Variants in STK4 observed in about 807,000 individuals in gnomAD.
The protein encoded by STK4 is serine/threonine-protein kinase 4.
STK4 carries 30 observed loss-of-function variants against 64.9 expected under a neutral mutation model. That is an observed-to-expected ratio of 0.46 (90% confidence interval 0.35 to 0.63). The LOEUF is 0.63. Among genes scored for constraint, STK4 ranks in the 20% least tolerant of loss-of-function variants. The pLI is 0.01. For missense variants in STK4, 466 were observed against 598.5 expected (o/e 0.78, Z 2.31); for synonymous variants, 177 against 199.0 (o/e 0.89, Z 0.93).
intron 9 of STK4, among the ~76,000 whole-genome samples, chr20:45,016,943 G>C (rs1291606155): frequency 6.6e-6 from 1 of 152,152 alleles, no homozygotes; most frequent in Non-Finnish European, 1.5e-5. Flanking sequence ...TAAGCTTGCT[G>C]TTCTGACCTT....
chr20:45,072,236 A>C (rs577563522), intron 10 of STK4, among the ~76,000 whole-genome samples: 1 of 152,204 alleles, frequency 6.6e-6, no homozygotes, highest in Non-Finnish European at 1.5e-5. Context: ...GAGATCATCT[A>C]GTCAGCCCTG....
rs373956155 is a variant in STK4 at position 44,970,963 on chromosome 20, G to A, written c.36-1115G>A. ...TGTAATAATTGATATTATCCAGCTA[G>A]TCTAAACCTTTTTTTTTCTACAAAG... On this transcript the variant is annotated intron_variant, in intron 1 of 10. Transcript: ENST00000372806. Among the ~76,000 whole-genome samples the A allele has an allele frequency of 5.4e-5, 8 of 148,942 alleles. 1 individual carries two copies. The highest frequency in any genetic ancestry group is 2.0e-4 in the East Asian group (1 of 4,954).
At chr20:44,980,626 TGAAAA>T (rs1415981626) in intron 3 of STK4, among the ~76,000 whole-genome samples, 1 of 152,228 alleles carries the variant, frequency 6.6e-6, no homozygotes, top group Non-Finnish European at 1.5e-5. Context: ...AAAATTCAAA[TGAAAA>T]GAAAAGAAAA....
intron 10 of STK4, among the ~76,000 whole-genome samples, chr20:45,068,274 G>A (rs1979756063): frequency 6.6e-6 from 1 of 152,168 alleles, no homozygotes; most frequent in South Asian, 2.1e-4. Context: ...CTGCTTCTCT[G>A]ACAGGTGTAT....
intron 5 of STK4, among the ~76,000 whole-genome samples, chr20:44,988,559 A>G (rs1196873466): frequency 1.4e-4 from 16 of 116,498 alleles, no homozygotes; most frequent in Non-Finnish European, 2.6e-4. Flanking sequence ...ATATATATAT[A>G]TATATATATG....
chr20:45,046,734 T>G (rs1414621104), intron 10 of STK4, among the ~76,000 whole-genome samples: 2 of 151,914 alleles, frequency 1.3e-5, no homozygotes, highest in East Asian at 3.9e-4. Flanking sequence ...TAGGCTGGAG[T>G]GCAGTGGCGT....
At chr20:44,968,142 C>CA (rs770996505) in intron 1 of STK4, among the ~76,000 whole-genome samples, 2 of 145,632 alleles carry the variant, frequency 1.4e-5, no homozygotes, top group African/African-American at 5.0e-5. Context: ...AGTCCATGTT[C>CA]TTTTTTTTTT....
At chr20:45,039,650 A>G (rs376763166) in intron 10 of STK4, among the ~76,000 whole-genome samples, 142 of 152,260 alleles carry the variant, frequency 9.3e-4, no homozygotes, top group African/African-American at 3.3e-3. Flanking sequence ...CAAAATGACC[A>G]TTGTATTTCA....
chr20:45,002,160 G>C (rs1207746420), intron 9 of STK4, among the ~76,000 whole-genome samples: 1 of 152,194 alleles, frequency 6.6e-6, no homozygotes, highest in African/African-American at 2.4e-5. Flanking sequence ...TTGACTCTGA[G>C]TACTAAATTG....
intron 1 of STK4, among the ~76,000 whole-genome samples, chr20:44,968,247 C>T (rs2067185859): frequency 1.3e-5 from 2 of 152,098 alleles, no homozygotes; most frequent in African/African-American, 4.8e-5. Context: ...AAGCGATTCT[C>T]CTGCCTCAGC....
intron 3 of STK4, among the ~76,000 whole-genome samples, chr20:44,978,831 C>T (rs1244940617): frequency 6.8e-6 from 1 of 146,742 alleles, no homozygotes; most frequent in African/African-American, 2.5e-5. Flanking sequence ...CAAAGTCTCG[C>T]TCTGTCGCCC....
intron 9 of STK4, among the ~76,000 whole-genome samples, chr20:45,021,296 A>T (rs1159989356): frequency 6.6e-6 from 1 of 152,228 alleles, no homozygotes; most frequent in Non-Finnish European, 1.5e-5. Flanking sequence ...ACTAATTGTG[A>T]TAGGAATGCA....
intron 9 of STK4, among the ~76,000 whole-genome samples, chr20:45,024,239 A>C: frequency 6.6e-6 from 1 of 151,954 alleles, no homozygotes; most frequent in East Asian, 1.9e-4. Context: ...TGAGAAGTAA[A>C]TAAAATCACC....
intron 2 of STK4, among the ~76,000 whole-genome samples, chr20:44,977,609 C>T (rs982849987): frequency 2.6e-5 from 4 of 152,080 alleles, no homozygotes; most frequent in Admixed American, 2.0e-4. Context: ...TCAGGTACAA[C>T]AAGGTTAATA....
At chr20:44,993,018 A>G (rs1254538632) in intron 5 of STK4, among the ~76,000 whole-genome samples, 1 of 152,138 alleles carries the variant, frequency 6.6e-6, no homozygotes, top group African/African-American at 2.4e-5. Context: ...TCTTTAAAGT[A>G]TTCGTTGGGC....
intron 10 of STK4, among the ~76,000 whole-genome samples, chr20:45,032,949 CTAA>C (rs2068469647): frequency 6.6e-6 from 1 of 152,086 alleles, no homozygotes; most frequent in Admixed American, 6.6e-5. Flanking sequence ...TTTTGATTTT[CTAA>C]TAATAGCCAT....
intron 5 of STK4, among the ~76,000 whole-genome samples, chr20:44,991,535 C>T (rs2067633676): frequency 1.3e-5 from 2 of 152,148 alleles, no homozygotes; most frequent in Non-Finnish European, 2.9e-5. Context: ...GAATGGGCAG[C>T]AACTTGTATC....
intron 4 of STK4, among the ~76,000 whole-genome samples, chr20:44,986,727 T>A (rs1222739836): frequency 6.6e-6 from 1 of 152,094 alleles, no homozygotes; most frequent in Non-Finnish European, 1.5e-5. Context: ...GTTTTGAAGA[T>A]AGAGAAAAGT....
chr20:45,053,483 A>G (rs2284276), intron 10 of STK4, among the ~76,000 whole-genome samples: 80,439 of 151,990 alleles, frequency 0.53, 22,374 homozygotes, highest in African/African-American at 0.68. Flanking sequence ...ACTACAGGAT[A>G]ATTTTAATCT....
Sources: gnomAD v4.1 joint callset for allele counts (sites outside exome capture counted in the v4.1 genomes callset) on GRCh38, gnomAD v4.1.1 for gene constraint, MANE v1.5 for transcripts, NCBI Gene and HGNC (gene_info 2026-07-23, HGNC 2026-07-21) for gene names.